Variants in ACOT6 observed in about 807,000 individuals in gnomAD.
ACOT6 encodes the protein acyl-CoA thioesterase 6.
ACOT6 carries 14 observed loss-of-function variants against 12.3 expected under a neutral mutation model. That is an observed-to-expected ratio of 1.14 (90% CI 0.75 to 1.78). The LOEUF (loss-of-function observed/expected upper bound fraction) is 1.78, where lower values mean the gene tolerates loss of function less well. ACOT6 is among the 40% of genes most tolerant of loss of function. The pLI, the probability that ACOT6 is intolerant of heterozygous loss-of-function variation, is 0.00. For synonymous variants in ACOT6, 218 were observed against 231.3 expected (o/e 0.94, Z 0.52); for missense variants, 523 against 551.8 (o/e 0.95, Z 0.52).
chr14:73,619,193 A>C, intron 2 of ACOT6, 41 bp from the exon 3 acceptor site: 1 of 1,520,722 alleles, frequency 6.6e-7, no homozygotes. Flanking sequence ...TCCTCCATTT[A>C]TGAATTCTAA....
chr14:73,615,985 A>G (rs986787095), intron 1 of ACOT6, among the ~76,000 whole-genome samples: 3 of 152,114 alleles, frequency 2.0e-5, no homozygotes, highest in Admixed American at 2.0e-4. Context: ...CTTGAGCCCA[A>G]GGATTCAAGG....
intron 1 of ACOT6, among the ~76,000 whole-genome samples, chr14:73,615,249 T>C (rs927189778): frequency 6.7e-6 from 1 of 149,302 alleles, no homozygotes; most frequent in Non-Finnish European, 1.5e-5. Flanking sequence ...TAGCCGGGCA[T>C]GGTGGCGGGC....
intron 2 of ACOT6, 54 bp downstream of exon 2, chr14:73,617,246 G>C: frequency 6.2e-7 from 1 of 1,611,396 alleles, no homozygotes; most frequent in Non-Finnish European, 8.5e-7. Context: ...GCTGATGCAG[G>C]GCTGAATCCA....
intron 1 of ACOT6, among the ~76,000 whole-genome samples, chr14:73,613,964 C>G (rs998775265): frequency 7.4e-6 from 1 of 135,298 alleles, no homozygotes; most frequent in African/African-American, 2.8e-5. Context: ...CTGAGGTGGG[C>G]AGATCACTTG....
chr14:73,614,875 T>C lies in ACOT6; in HGVS notation c.461+1843T>C, dbSNP rs570106760. 2.5e-4 allele frequency among the ~76,000 whole-genome samples: 38 copies of C among 151,034 alleles called. No homozygotes were observed. The East Asian group carries it at 6.0e-3, about 24-fold the overall frequency. ...ACTTTGGGAGGCCGAGGCAGGTGGA[T>C]CACCTGAGGTCAGGAGTTCGAGACC... is the stretch of plus-strand genomic sequence containing the variant. On this transcript the variant is annotated intron_variant, in intron 1 of 2. Transcript: ENST00000645972.
chr14:73,613,570 G>C (rs1890485033), intron 1 of ACOT6, among the ~76,000 whole-genome samples: 1 of 152,092 alleles, frequency 6.6e-6, no homozygotes, highest in Non-Finnish European at 1.5e-5. Flanking sequence ...TCATAAACAT[G>C]CTGTACGTGG....
chr14:73,618,991 G>A lies in ACOT6; in HGVS notation c.661-243G>A, dbSNP rs570556824. On this transcript the variant is annotated intron_variant, in intron 2 of 2. Coordinates refer to ENST00000645972, the MANE Select transcript of ACOT6 (RefSeq NM_001365788.1). ...CTAAAAATACAAAAATTAGCCGGGCGTGGTGGTGGGCGCCTGTAATCCCAG... is the reference window on the plus strand; with the variant it reads ...CTAAAAATACAAAAATTAGCCGGGCATGGTGGTGGGCGCCTGTAATCCCAG... 3.1e-3 allele frequency among the ~76,000 whole-genome samples: 467 copies of A among 152,030 alleles called. 3 individuals are homozygous for A. Among genetic ancestry groups the A allele is most frequent in the South Asian group, 5.4e-3 (26 of 4,814 alleles).
At chr14:73,619,198 T>C in intron 2 of ACOT6, 36 bp from the exon 3 acceptor site, 1 of 1,525,420 alleles carries the variant, frequency 6.6e-7, no homozygotes, top group African/African-American at 1.4e-5. Flanking sequence ...CATTTATGAA[T>C]TCTAAGCTTG....
Position 73,612,874 on chromosome 14 carries a change from C to G in ACOT6, c.303C>G (p.Pro101=). The part of the protein sequence containing the change: ...VRLVKRDVRT[P]FAVELEVLDG... The stretch of plus-strand genomic sequence containing the variant: ...TGGTGAAGCGCGACGTGCGGACGCC[C>G]TTCGCCGTGGAGCTGGAAGTGCTGG... Residue 101 remains proline, a synonymous_variant, in exon 1 of 3, where the codon CCC becomes CCG. Transcript: ENST00000645972. 5.7e-6 allele frequency: 8 copies of G among 1,401,354 alleles called. No homozygotes were observed. The highest frequency in any genetic ancestry group is 6.7e-6 in the Non-Finnish European group (7 of 1,049,226). The allele number at this position is 1,401,354 out of a possible 1,614,324, so 86.8% of individuals were successfully genotyped here.
At position 73,612,902 on chromosome 14, in the gene ACOT6, G is replaced by C; in HGVS notation, c.331G>C (p.Gly111Arg). 1.5e-6 allele frequency: 2 copies of C among 1,371,444 alleles called. No homozygotes were observed. Among genetic ancestry groups the C allele is most frequent in the South Asian group, 1.4e-5 (1 of 73,656 alleles). 85.0% of individuals were successfully genotyped at this position (1,371,444 alleles called of 1,614,324 possible). ...PFAVELEVLD[G>R]HDTEPGRLLC... ...CGCCGTGGAGCTGGAAGTGCTGGAC[G>C]GCCACGACACCGAGCCCGGGCGGCT... Residue 111 changes from glycine (G) to arginine (R), a missense_variant, in exon 1 of 3, where the codon GGC becomes CGC. Transcript: ENST00000645972.
intron 1 of ACOT6, among the ~76,000 whole-genome samples, chr14:73,615,488 C>T (rs1432181295): frequency 1.3e-5 from 2 of 148,830 alleles, no homozygotes; most frequent in Non-Finnish European, 3.0e-5. Context: ...CCCAACACTT[C>T]GGGAGGCCAA....
At position 73,612,642 on chromosome 14, in the gene ACOT6, G is replaced by A. The variant is rs1890465220; in HGVS notation, c.71G>A (p.Arg24His). Reference protein sequence around the residue: ...CWDEPLRIAVRGLAPEQPVTL... With the variant: ...CWDEPLRIAVHGLAPEQPVTL... ...GACGAGCCGCTGCGCATCGCAGTGC[G>A]CGGCCTGGCCCCGGAGCAGCCAGTC... Residue 24 changes from arginine (R) to histidine (H), a missense_variant, in exon 1 of 3, where the codon CGC (arginine) becomes CAC (histidine). Transcript: ENST00000645972. 2 of 1,404,478 alleles carry A rather than the reference G, an allele frequency of 1.4e-6. No individual in the cohort carries two copies. The highest frequency in any genetic ancestry group is 1.9e-6 in the Non-Finnish European group (2 of 1,079,424). 87.0% of individuals were successfully genotyped at this position (1,404,478 alleles called of 1,614,324 possible). A position where few individuals can be genotyped will look rare whatever the true frequency, so the allele number is the denominator to read the frequency against.
chr14:73,612,673 G>T lies in ACOT6; in HGVS notation c.102G>T (p.Leu34=). 3 of 1,412,290 alleles carry T rather than the reference G, an allele frequency of 2.1e-6. No homozygotes were observed. Among genetic ancestry groups the T allele is most frequent in the Non-Finnish European group, 2.8e-6 (3 of 1,086,996 alleles). The allele number at this position is 1,412,290 out of a possible 1,614,324, so 87.5% of individuals were successfully genotyped here. A position where few individuals can be genotyped will look rare whatever the true frequency, so the allele number is the denominator to read the frequency against. ...RGLAPEQPVT[L]RTSLRDEEGA... Reference sequence around the variant, plus strand: ...TGGCCCCGGAGCAGCCAGTCACGCTGCGCACGTCCCTGCGCGACGAAGAGG... The same window carrying T: ...TGGCCCCGGAGCAGCCAGTCACGCTTCGCACGTCCCTGCGCGACGAAGAGG... The change falls in exon 1 of 3, where the codon CTG becomes CTT. Residue 34 remains leucine (L), a synonymous_variant. Coordinates refer to ENST00000645972, the MANE Select transcript of ACOT6 (RefSeq NM_001365788.1).
At chr14:73,619,195 G>A in intron 2 of ACOT6, 39 bp from the exon 3 acceptor site, 1 of 1,521,230 alleles carries the variant, frequency 6.6e-7, no homozygotes, top group Non-Finnish European at 8.8e-7. Flanking sequence ...CTCCATTTAT[G>A]AATTCTAAGC....
intron 1 of ACOT6, among the ~76,000 whole-genome samples, chr14:73,614,752 A>G (rs1211204486): frequency 2.6e-5 from 4 of 151,100 alleles, no homozygotes; most frequent in African/African-American, 9.7e-5. Flanking sequence ...GTCTCAAAAA[A>G]AAAAAAAAAA....
intron 1 of ACOT6, among the ~76,000 whole-genome samples, chr14:73,615,237 A>C (rs1459974503): frequency 6.8e-6 from 1 of 146,058 alleles, no homozygotes; most frequent in Non-Finnish European, 1.5e-5. Flanking sequence ...AATACAAAAA[A>C]TTAGCCGGGC....
chr14:73,619,860 T>C lies in ACOT6; in HGVS notation c.*21T>C, dbSNP rs753260001. ...TATAACATTGTAGCCACAGACCAGA[T>C]ACCATTAATAAAAATCCTATTCATA... On this transcript the variant is annotated 3_prime_UTR_variant, in exon 3 of 3. Coordinates refer to ENST00000645972, the MANE Select transcript of ACOT6 (RefSeq NM_001365788.1). 2.6e-6 allele frequency: 4 copies of C among 1,540,980 alleles called. No homozygotes were observed. Among genetic ancestry groups the C allele is most frequent in the South Asian group, 2.5e-5 (2 of 79,552 alleles).
intron 1 of ACOT6, among the ~76,000 whole-genome samples, chr14:73,614,658 A>T (rs1595185558): frequency 6.6e-6 from 1 of 151,686 alleles, no homozygotes; most frequent in East Asian, 1.9e-4. Context: ...GAGGTGGGAG[A>T]ATCGCTTGAA....
chr14:73,615,400 A>AC (rs1039910130), intron 1 of ACOT6, among the ~76,000 whole-genome samples: 4 of 143,568 alleles, frequency 2.8e-5, no homozygotes, highest in African/African-American at 7.8e-5. Flanking sequence ...AAAAAAAAAA[A>AC]AAAAAAACAA....
Sources: allele counts gnomAD v4.1 joint callset (sites outside exome capture counted in the v4.1 genomes callset), GRCh38; gene constraint gnomAD v4.1.1; transcripts MANE v1.5; gene names NCBI Gene and HGNC (gene_info 2026-07-23, HGNC 2026-07-21).